R3HCC1L: variants seen among roughly 807,000 people sequenced by gnomAD.
The protein encoded by R3HCC1L is coiled-coil domain-containing protein R3HCC1L.
R3HCC1L carries 51 observed loss-of-function variants against 59.9 expected under a neutral mutation model. That is an observed-to-expected ratio of 0.85 (90% CI 0.68 to 1.07). R3HCC1L has a LOEUF of 1.07. Among genes scored for constraint, R3HCC1L ranks in the 50% least tolerant of loss-of-function variants. R3HCC1L has a pLI of 0.00. For synonymous variants in R3HCC1L, 322 were observed against 315.2 expected, an observed-to-expected ratio of 1.02 and a Z score of -0.23; for missense variants, 965 against 933.0, an observed-to-expected ratio of 1.03 and a Z score of -0.45.
intron 4 of R3HCC1L, among the ~76,000 whole-genome samples, chr10:98,189,967 T>C (rs994479763): frequency 2.0e-5 from 3 of 152,246 alleles, no homozygotes; most frequent in East Asian, 1.9e-4. Flanking sequence ...CCCTGGAGAA[T>C]TGGTTCCAAG....
chr10:98,194,708 G>A (rs1039943275), intron 4 of R3HCC1L, among the ~76,000 whole-genome samples: 2 of 152,108 alleles, frequency 1.3e-5, no homozygotes, highest in Non-Finnish European at 2.9e-5. Flanking sequence ...CAGCAGGCAT[G>A]TGAAAAGATG....
chr10:98,152,078 G>C (rs992270154), intron 1 of R3HCC1L, among the ~76,000 whole-genome samples: 37 of 152,146 alleles, frequency 2.4e-4, no homozygotes, highest in Non-Finnish European at 5.3e-4. Context: ...TCAGCCTGCC[G>C]AGTGCCTGCG....
At chr10:98,143,093 G>C (rs1191294354) in intron 1 of R3HCC1L, among the ~76,000 whole-genome samples, 2 of 152,086 alleles carry the variant, frequency 1.3e-5, no homozygotes, top group African/African-American at 4.8e-5. Flanking sequence ...TCTGAATCTT[G>C]TCTGGTCCCA....
intron 4 of R3HCC1L, among the ~76,000 whole-genome samples, chr10:98,165,483 C>G (rs1418109213): frequency 6.6e-6 from 1 of 152,126 alleles, no homozygotes; most frequent in African/African-American, 2.4e-5. Context: ...AATGGCTAGG[C>G]CTTTATCTCA....
chr10:98,183,852 C>T (rs1014607535), intron 4 of R3HCC1L, among the ~76,000 whole-genome samples: 4 of 151,810 alleles, frequency 2.6e-5, no homozygotes, highest in Non-Finnish European at 5.9e-5. Context: ...CTACATTTTT[C>T]GTTAGAGCAT....
chr10:98,159,002 C>G (rs1469293331), intron 2 of R3HCC1L, among the ~76,000 whole-genome samples: 1 of 151,986 alleles, frequency 6.6e-6, no homozygotes, highest in African/African-American at 2.4e-5. Flanking sequence ...GACAGATTCT[C>G]CCTGTGTTGC....
At chr10:98,170,405 T>G (rs1419250268) in intron 4 of R3HCC1L, among the ~76,000 whole-genome samples, 1 of 152,116 alleles carries the variant, frequency 6.6e-6, no homozygotes, top group Non-Finnish European at 1.5e-5. Flanking sequence ...ACCCTCAAAT[T>G]CATGGGCTCA....
intron 1 of R3HCC1L, among the ~76,000 whole-genome samples, chr10:98,143,645 A>G (rs1845385352): frequency 6.6e-6 from 1 of 152,228 alleles, no homozygotes; most frequent in Admixed American, 6.5e-5. Flanking sequence ...ATTAACTTGC[A>G]GTTTGCCCCC....
At chr10:98,238,610 C>G (rs552920110) in intron 9 of R3HCC1L, among the ~76,000 whole-genome samples, 1 of 152,064 alleles carries the variant, frequency 6.6e-6, no homozygotes, top group African/African-American at 2.4e-5. Context: ...GTTAAACTGG[C>G]CTAAGGTCAC....
intron 9 of R3HCC1L, among the ~76,000 whole-genome samples, chr10:98,241,368 G>A (rs1366558998): frequency 6.6e-6 from 1 of 151,820 alleles, no homozygotes; most frequent in Non-Finnish European, 1.5e-5. Context: ...AATCTTCAAC[G>A]CTTTACATTC....
intron 2 of R3HCC1L, among the ~76,000 whole-genome samples, chr10:98,162,616 A>T (rs1048700267): frequency 6.6e-6 from 1 of 152,062 alleles, no homozygotes; most frequent in South Asian, 2.1e-4. Flanking sequence ...AAGCTATCCC[A>T]TGTATTAAAA....
chr10:98,213,343 C>T (rs1448040159), intron 5 of R3HCC1L, among the ~76,000 whole-genome samples: 2 of 152,164 alleles, frequency 1.3e-5, no homozygotes, highest in Non-Finnish European at 2.9e-5. Flanking sequence ...CCATCTTTTG[C>T]TCTGAAGTTG....
intron 1 of R3HCC1L, among the ~76,000 whole-genome samples, chr10:98,136,666 T>C (rs916016209): frequency 1.3e-5 from 2 of 151,968 alleles, no homozygotes; most frequent in African/African-American, 2.4e-5. Flanking sequence ...TGAAACCCCA[T>C]CTCTATTAAA....
intron 4 of R3HCC1L, among the ~76,000 whole-genome samples, chr10:98,201,633 T>C (rs906674793): frequency 2.0e-5 from 3 of 152,224 alleles, no homozygotes; most frequent in African/African-American, 7.2e-5. Context: ...TGAGATGCAT[T>C]AGTCATTGCA....
intron 6 of R3HCC1L, among the ~76,000 whole-genome samples, chr10:98,233,695 C>T (rs1012113055): frequency 6.6e-6 from 1 of 152,162 alleles, no homozygotes; most frequent in Non-Finnish European, 1.5e-5. Flanking sequence ...ATTCCTTGTG[C>T]TCACTAGGTA....
intron 4 of R3HCC1L, among the ~76,000 whole-genome samples, chr10:98,205,605 G>A (rs1852548236): frequency 2.0e-5 from 3 of 152,192 alleles, no homozygotes; most frequent in African/African-American, 7.2e-5. Context: ...GCTGATTGCT[G>A]AATATTTGCC....
chr10:98,142,408 C>T (rs1330405484), intron 1 of R3HCC1L, among the ~76,000 whole-genome samples: 5 of 151,932 alleles, frequency 3.3e-5, no homozygotes, highest in Admixed American at 1.3e-4. Context: ...GAGGCTGAGG[C>T]GAGTGGATCA....
chr10:98,216,809 G>A (rs1235597012), intron 5 of R3HCC1L, among the ~76,000 whole-genome samples: 1 of 151,974 alleles, frequency 6.6e-6, no homozygotes, highest in Non-Finnish European at 1.5e-5. Flanking sequence ...TGATCTTGTG[G>A]CCTCAAGTGA....
intron 4 of R3HCC1L, among the ~76,000 whole-genome samples, chr10:98,178,657 G>A (rs1167362377): frequency 1.3e-5 from 2 of 152,174 alleles, no homozygotes; most frequent in Non-Finnish European, 2.9e-5. Flanking sequence ...ACCTTGGGCA[G>A]TATGGCCATT....
Sources: gnomAD v4.1 joint callset for allele counts (sites outside exome capture counted in the v4.1 genomes callset) on GRCh38, gnomAD v4.1.1 for gene constraint, MANE v1.5 for transcripts, NCBI Gene and HGNC (gene_info 2026-07-23, HGNC 2026-07-21) for gene names.